PLOD2: variants seen among roughly 807,000 people sequenced by gnomAD.
PLOD2 encodes lysine hydroxylase 2.
Under a neutral mutation model 101.0 loss-of-function variants are expected in PLOD2, and 65 were observed. That is an observed-to-expected ratio of 0.64 (90% confidence interval 0.53 to 0.79). The LOEUF (loss-of-function observed/expected upper bound fraction) is 0.79, where lower values mean the gene tolerates loss of function less well. Ranked by LOEUF, PLOD2 falls within the 30% of genes least tolerant of loss-of-function variation. The probability of loss-of-function intolerance (pLI) is 0.00; values close to 1 mark genes in which losing one functional copy is unlikely to be tolerated. For synonymous variants in PLOD2, 314 were observed against 302.9 expected (o/e 1.04, Z -0.38); for missense variants, 909 against 914.6 (o/e 0.99, Z 0.08).
intron 1 of PLOD2, among the ~76,000 whole-genome samples, chr3:146,144,944 T>C (rs867941111): frequency 5.3e-5 from 8 of 152,244 alleles, no homozygotes; most frequent in African/African-American, 1.7e-4. Context: ...ACTATCTCTG[T>C]TTTCAGTTAC....
intron 3 of PLOD2, among the ~76,000 whole-genome samples, chr3:146,113,872 A>G (rs1937764145): frequency 6.6e-6 from 1 of 152,226 alleles, no homozygotes. Context: ...GAACAGAGCC[A>G]TATTTCTCTT....
At chr3:146,134,585 C>G (rs545032804) in intron 1 of PLOD2, among the ~76,000 whole-genome samples, 1 of 152,250 alleles carries the variant, frequency 6.6e-6, no homozygotes, top group South Asian at 2.1e-4. Context: ...AATCTGATAC[C>G]AAGGTTATGT....
At chr3:146,120,015 C>T (rs931059703) in intron 3 of PLOD2, among the ~76,000 whole-genome samples, 1 of 151,826 alleles carries the variant, frequency 6.6e-6, no homozygotes, top group Non-Finnish European at 1.5e-5. Context: ...GAGGAATCAC[C>T]ACACTGACTT....
In PLOD2 at chr3:146,096,887, G is replaced by GAGGGGGC. The variant is rs1443393801; in HGVS notation, c.778-4987_778-4986insGCCCCCT. On this transcript the variant is annotated intron_variant, in intron 7 of 19. Coordinates refer to ENST00000282903, the MANE Select transcript of PLOD2 (RefSeq NM_182943.3). The stretch of plus-strand genomic sequence containing the variant: ...CCCCGTCCGGGAGGGAGGTGGGGGG[G>GAGGGGGC]GGGAGTCGGCCAGCCGCCCCGTCCA... 7.9e-5 allele frequency among the ~76,000 whole-genome samples: 10 copies of GAGGGGGC among 127,048 alleles called. 2 individuals carry two copies. Among genetic ancestry groups the GAGGGGGC allele is most frequent in the South Asian group, 2.6e-4 (1 of 3,866 alleles). The allele number at this position is 127,048 out of a possible 152,430, so 83.3% of individuals were successfully genotyped here.
chr3:146,094,059 G>T (rs1937066208), intron 7 of PLOD2, among the ~76,000 whole-genome samples: 1 of 152,100 alleles, frequency 6.6e-6, no homozygotes, highest in Admixed American at 6.5e-5. Context: ...CATTTTTGCT[G>T]GCAGCTCTAG....
chr3:146,157,294 C>T (rs1377558765), intron 1 of PLOD2, among the ~76,000 whole-genome samples: 1 of 152,140 alleles, frequency 6.6e-6, no homozygotes, highest in African/African-American at 2.4e-5. Context: ...CAGCCCTTCA[C>T]TTTGAAGAGT....
At chr3:146,103,575 C>T (rs1156911900) in intron 6 of PLOD2, among the ~76,000 whole-genome samples, 1 of 151,838 alleles carries the variant, frequency 6.6e-6, no homozygotes, top group East Asian at 1.9e-4. Context: ...TCCTCAGCCT[C>T]TCATATAGCT....
rs1936095019 is a variant in PLOD2, at chr3:146,070,694, C to T, written c.*23G>A. 1 of 1,534,062 alleles carries T rather than the reference C, an allele frequency of 6.5e-7. No individual in the cohort carries two copies. Among genetic ancestry groups the T allele is most frequent in the Non-Finnish European group, 9.0e-7 (1 of 1,111,298 alleles). On this transcript the variant is annotated 3_prime_UTR_variant, in exon 20 of 20. Transcript: ENST00000282903. ...CCAGTCATTCATCCAAAATAAATTT[C>T]AATTCAATGAAAAGTAAATAACTTA... is the stretch of plus-strand genomic sequence containing the variant.
chr3:146,102,085 C>G (rs1039953525), intron 7 of PLOD2, among the ~76,000 whole-genome samples: 6 of 152,152 alleles, frequency 3.9e-5, no homozygotes, highest in Middle Eastern at 3.2e-3. Context: ...CTGTTAATCC[C>G]TTTTCTAGGT....
intron 5 of PLOD2, among the ~76,000 whole-genome samples, chr3:146,106,025 T>A (rs1341369363): frequency 6.6e-6 from 1 of 152,202 alleles, no homozygotes; most frequent in Non-Finnish European, 1.5e-5. Context: ...AGTTATTTAT[T>A]CAAGAATATA....
intron 15 of PLOD2, chr3:146,076,194 G>A (rs1408432880): frequency 6.6e-6 from 1 of 151,798 alleles, no homozygotes; most frequent in African/African-American, 2.4e-5. Flanking sequence ...GTGAGAACAT[G>A]CAGTATTTGG....
In PLOD2 at chr3:146,160,853, G is replaced by T. The variant is rs35125036; in HGVS notation, c.109+28C>A. ...GCCCCCCCGCCGGCCGAGCCTCGCGGGACAGCGGCGGACCGCGGGGTGCTC... is the reference window on the plus strand; with the variant it reads ...GCCCCCCCGCCGGCCGAGCCTCGCGTGACAGCGGCGGACCGCGGGGTGCTC... On this transcript the variant is annotated intron_variant, in intron 1 of 19. Transcript: ENST00000282903. 12 of 1,428,330 alleles carry T rather than the reference G, an allele frequency of 8.4e-6. No homozygotes were observed. In the South Asian group the frequency reaches 1.3e-4, roughly 16 times the overall value. 88.5% of individuals were successfully genotyped at this position (1,428,330 alleles called of 1,614,324 possible). A position where few individuals can be genotyped will look rare whatever the true frequency, so the allele number is the denominator to read the frequency against.
At chr3:146,099,660 C>T (rs770048589) in intron 7 of PLOD2, among the ~76,000 whole-genome samples, 4 of 151,548 alleles carry the variant, frequency 2.6e-5, no homozygotes, top group African/African-American at 4.9e-5. Flanking sequence ...AGCCTCCTAA[C>T]GTGACATGAG....
chr3:146,110,426 C>T lies in PLOD2; in HGVS notation c.361G>A (p.Gly121Ser). ...TECFDVIFAG[G>S]PEEVLKKFQK... ...AATTTTTTTAGAACTTCTTCTGGAC[C>T]ACCAGCAAATATGACATCAAAGCTG... The change falls in exon 4 of 20, where the codon GGT (glycine) becomes AGT (serine). Residue 121 changes from glycine (G) to serine (S), a missense_variant. By Grantham distance (56) the Gly-to-Ser change is moderately conservative. Transcript: ENST00000282903. 1 of 1,613,074 alleles carries T rather than the reference C, an allele frequency of 6.2e-7. No homozygotes were observed. The highest frequency in any genetic ancestry group is 1.3e-5 in the African/African-American group (1 of 74,946).
At chr3:146,152,968 A>T (rs932017810) in intron 1 of PLOD2, among the ~76,000 whole-genome samples, 1 of 152,192 alleles carries the variant, frequency 6.6e-6, no homozygotes, top group African/African-American at 2.4e-5. Flanking sequence ...TAAGAAGAAA[A>T]GGAGGATTGT....
Position 146,076,815 on chromosome 3 carries a change from G to A in PLOD2, c.1644C>T (p.Asn548=), listed in dbSNP as rs150609339. The A allele has an allele frequency of 3.8e-4, 597 of 1,578,482 alleles. 5 individuals carry two copies. In the African/African-American group the frequency reaches 7.2e-3, roughly 19 times the overall value. The change falls in exon 15 of 20, where the codon AAC becomes AAT. Residue 548 remains asparagine, a synonymous_variant. Transcript: ENST00000282903. The part of the protein sequence containing the change: ...STANYNTSHY[N]NDLWQIFENP... The stretch of plus-strand genomic sequence containing the variant: ...TTTCAAAAATCTGCCAGAGGTCATT[G>A]TTATAATGGGAAGTATTGTAATTAG...
intron 12 of PLOD2, among the ~76,000 whole-genome samples, chr3:146,080,777 C>T (rs886119434): frequency 2.7e-4 from 41 of 152,108 alleles, no homozygotes; most frequent in Admixed American, 2.7e-3. Context: ...TACAACTGCA[C>T]AGAAACAACA....
intron 6 of PLOD2, 123 bp from the exon 7 acceptor site, chr3:146,102,975 T>G: frequency 1.6e-6 from 1 of 638,466 alleles, no homozygotes; most frequent in South Asian, 1.6e-5. Flanking sequence ...GATGTAATAT[T>G]CCAAGTGCTA....
At chr3:146,133,267 C>A (rs370955209) in intron 1 of PLOD2, among the ~76,000 whole-genome samples, 131 of 152,218 alleles carry the variant, frequency 8.6e-4, no homozygotes, top group African/African-American at 3.0e-3. Flanking sequence ...CATGTTATAG[C>A]AACAACTGAT....
Sources: gnomAD v4.1 joint callset for allele counts (sites outside exome capture counted in the v4.1 genomes callset) on GRCh38, gnomAD v4.1.1 for gene constraint, MANE v1.5 for transcripts, NCBI Gene and HGNC (gene_info 2026-07-23, HGNC 2026-07-21) for gene names.